NEO1: variants seen among roughly 807,000 people sequenced by gnomAD.
The protein encoded by NEO1 is neogenin.
Under a neutral mutation model 159.7 loss-of-function variants are expected in NEO1, and 63 were observed. The ratio of observed to expected loss-of-function variants is 0.39; its 90% CI spans 0.32 to 0.49. NEO1 has a LOEUF of 0.49. NEO1 is among the 20% of genes least tolerant of loss of function. NEO1 has a pLI of 0.85. For missense variants in NEO1, 1,615 were observed against 1,831.0 expected (o/e 0.88, Z 2.15); for synonymous variants, 633 against 662.0 (o/e 0.96, Z 0.67).
At chr15:73,245,569 C>T (rs1048722772) in intron 9 of NEO1, among the ~76,000 whole-genome samples, 2 of 151,596 alleles carry the variant, frequency 1.3e-5, no homozygotes, top group Non-Finnish European at 2.9e-5. Flanking sequence ...TGTTTTTCCT[C>T]AGTGTATTCT....
At position 73,281,309 on chromosome 15, in the gene NEO1, G is replaced by A. The variant is rs376694981; in HGVS notation, c.3263-1655G>A. Among the ~76,000 whole-genome samples, 5 of 150,500 alleles carry A rather than the reference G, an allele frequency of 3.3e-5. No individual in the cohort carries two copies. The East Asian group carries it at 8.0e-4, about 24-fold the overall frequency. On this transcript the variant is annotated intron_variant, in intron 22 of 28. Transcript: ENST00000261908. ...CTTGCTCTGTCGCCCAGGCTGGAGT[G>A]CATGGCGCGATCTCCGCTCACTGCA...
intron 7 of NEO1, among the ~76,000 whole-genome samples, chr15:73,226,069 T>C (rs1291144826): frequency 6.6e-6 from 1 of 152,178 alleles, no homozygotes; most frequent in Admixed American, 6.5e-5. Flanking sequence ...GTTTCTCCAG[T>C]GGGGATGTGT....
intron 5 of NEO1, among the ~76,000 whole-genome samples, chr15:73,169,398 C>T (rs373332392): frequency 3.3e-5 from 5 of 152,196 alleles, no homozygotes; most frequent in African/African-American, 1.2e-4. Flanking sequence ...GTAATTGACT[C>T]ATTTGTTCTC....
At chr15:73,197,974 C>G (rs2036633813) in intron 7 of NEO1, among the ~76,000 whole-genome samples, 1 of 152,114 alleles carries the variant, frequency 6.6e-6, no homozygotes, top group Non-Finnish European at 1.5e-5. Context: ...AACCCCCATG[C>G]CTGTCCATGC....
At chr15:73,221,425 C>T (rs943362465) in intron 7 of NEO1, among the ~76,000 whole-genome samples, 5 of 152,338 alleles carry the variant, frequency 3.3e-5, no homozygotes, top group Admixed American at 3.3e-4. Flanking sequence ...AGATCTCCAG[C>T]TGCGTGCTGG....
chr15:73,294,996 A>G (rs1424282155), intron 26 of NEO1, among the ~76,000 whole-genome samples: 1 of 151,406 alleles, frequency 6.6e-6, no homozygotes, highest in Admixed American at 6.6e-5. Context: ...TTGGCCTTCC[A>G]GGCTGAGCAG....
chr15:73,179,933 T>A (rs2035505527), intron 7 of NEO1, among the ~76,000 whole-genome samples: 1 of 151,954 alleles, frequency 6.6e-6, no homozygotes, highest in Non-Finnish European at 1.5e-5. Flanking sequence ...TGTCACCTGT[T>A]TTTTCCTATT....
chr15:73,102,138 C>T (rs191511501), intron 1 of NEO1, among the ~76,000 whole-genome samples: 29 of 152,152 alleles, frequency 1.9e-4, no homozygotes, highest in African/African-American at 5.3e-4. Context: ...GAGGCCGAGG[C>T]GGGCGGATCA....
chr15:73,083,994 CAAAT>C (rs1017343975), intron 1 of NEO1, among the ~76,000 whole-genome samples: 12 of 151,566 alleles, frequency 7.9e-5, no homozygotes, highest in Admixed American at 3.9e-4. Context: ...TTTTCATTGA[CAAAT>C]AAAAATTGAA....
chr15:73,265,136 G>A (rs2040826976), intron 15 of NEO1, among the ~76,000 whole-genome samples: 1 of 152,154 alleles, frequency 6.6e-6, no homozygotes, highest in Admixed American at 6.5e-5. Context: ...TAAGTGGCCG[G>A]TAATGATGGA....
chr15:73,205,906 T>A (rs1678246), intron 7 of NEO1, among the ~76,000 whole-genome samples: 128,491 of 151,850 alleles, frequency 0.85, 55,729 homozygotes, highest in Non-Finnish European at 0.94. Context: ...ACATCTGTAA[T>A]TTTTTTTTTG....
chr15:73,139,673 TTA>T (rs2032188673), intron 5 of NEO1, among the ~76,000 whole-genome samples: 1 of 152,220 alleles, frequency 6.6e-6, no homozygotes, highest in South Asian at 2.1e-4. Context: ...TAAAAATAGT[TTA>T]TATATTTTTA....
rs1262328304 is a variant in NEO1 at position 73,122,671 on chromosome 15, A to G, written c.595A>G (p.Ile199Val). 2 of 1,614,172 alleles carry G rather than the reference A, an allele frequency of 1.2e-6. No homozygotes were observed. The highest frequency in any genetic ancestry group is 1.3e-5 in the African/African-American group (1 of 75,052). ...RQPLLLDDRV[I>V]KLPSGMLVIS... ...ACCCCTTCTTCTGGATGATAGAGTT[A>G]TCAAACTTCCAAGTGGAATGCTGGT... Residue 199 changes from isoleucine to valine, a missense_variant, in exon 3 of 29, where the codon ATC (isoleucine) becomes GTC (valine). Physicochemically the swap from Ile to Val is conservative, Grantham distance 29 (BLOSUM62 3). This residue lies in a region of NEO1 where 1,018 missense variants were observed against 1,115.4 expected (regional missense o/e 0.91). Coordinates refer to ENST00000261908, the MANE Select transcript of NEO1 (RefSeq NM_002499.4).
chr15:73,294,596 G>A (rs752382341), intron 26 of NEO1, among the ~76,000 whole-genome samples: 7 of 152,106 alleles, frequency 4.6e-5, no homozygotes, highest in Non-Finnish European at 1.0e-4. Flanking sequence ...CTGGAGTGCA[G>A]TGGTGCGATC....
intron 27 of NEO1, among the ~76,000 whole-genome samples, chr15:73,299,657 A>G (rs780703066): frequency 2.0e-5 from 3 of 152,208 alleles, no homozygotes; most frequent in African/African-American, 4.8e-5. Context: ...AGTGCTGGGA[A>G]TATAGGCGTG....
chr15:73,116,502 G>C, intron 1 of NEO1, 38 bp from the exon 2 acceptor site: 2 of 1,470,586 alleles, frequency 1.4e-6, no homozygotes, highest in Middle Eastern at 3.6e-4. Flanking sequence ...ATAGAAGAGA[G>C]ATTTGCTTAA....
At chr15:73,217,518 G>A (rs1203811133) in intron 7 of NEO1, among the ~76,000 whole-genome samples, 17 of 152,102 alleles carry the variant, frequency 1.1e-4, no homozygotes, top group Non-Finnish European at 2.9e-5. Context: ...AATTGCCTTG[G>A]GCAGTATGGC....
chr15:73,146,037 C>A (rs974522993), intron 5 of NEO1, among the ~76,000 whole-genome samples: 1 of 152,210 alleles, frequency 6.6e-6, no homozygotes, highest in African/African-American at 2.4e-5. Context: ...TCCTTCCACT[C>A]CCTTGCCTGG....
At chr15:73,186,068 C>G (rs1212738130) in intron 7 of NEO1, among the ~76,000 whole-genome samples, 3 of 150,734 alleles carry the variant, frequency 2.0e-5, no homozygotes, top group Non-Finnish European at 1.5e-5. Context: ...CTTCTGGAAA[C>G]CAAACATGAA....
Sources: gnomAD v4.1 joint callset for allele counts (sites outside exome capture counted in the v4.1 genomes callset) on GRCh38, gnomAD v4.1.1 for gene constraint, gnomAD v4.1.1 regional missense constraint, MANE v1.5 for transcripts, NCBI Gene and HGNC (gene_info 2026-07-23, HGNC 2026-07-21) for gene names.